The following CAPN5 variants were observed in gnomAD, a reference collection of about 807,000 sequenced individuals.
CAPN5 encodes the protein calpain 5, also known as calpain-5.
Under a neutral mutation model 73.0 loss-of-function variants are expected in CAPN5, and 54 were observed. The ratio of observed to expected loss-of-function variants is 0.74; its 90% CI spans 0.59 to 0.93. The LOEUF is 0.93. CAPN5 is among the 40% of genes least tolerant of loss of function. The pLI, the probability that CAPN5 is intolerant of heterozygous loss-of-function variation, is 0.00. For synonymous variants in CAPN5, 335 were observed against 356.9 expected (o/e 0.94, Z 0.69); for missense variants, 785 against 882.9 (o/e 0.89, Z 1.41).
chr11:77,071,587 C>T (rs782133046), intron 1 of CAPN5: 9 of 447,962 alleles, frequency 2.0e-5, no homozygotes, highest in South Asian at 1.4e-4. Context: ...GCCAGTAGAG[C>T]AGAAAATACC....
chr11:77,079,785 G>GTGTGTGTGTGTGTGTA (rs1950010556), intron 1 of CAPN5, among the ~76,000 whole-genome samples: 1 of 139,230 alleles, frequency 7.2e-6, no homozygotes, highest in Admixed American at 7.1e-5. Context: ...ACTTGAGATT[G>GTGTGTGTGTGTGTGTA]TGTGTGTGTG....
At position 77,122,065 on chromosome 11, in the gene CAPN5, G is replaced by A. The variant is rs1222820608; in HGVS notation, c.1603+16G>A. ...TCCCCAACAGGTGAGCTCTCCCAGGGAGAGTCCCCCGGCCCTCCTGCCAGT... is the reference window on the plus strand; with the variant it reads ...TCCCCAACAGGTGAGCTCTCCCAGGAAGAGTCCCCCGGCCCTCCTGCCAGT... On this transcript the variant is annotated intron_variant, in intron 11 of 12. Transcript: ENST00000648180. 2.0e-6 allele frequency: 3 copies of A among 1,471,504 alleles called. No homozygotes were observed. Among genetic ancestry groups the A allele is most frequent in the Non-Finnish European group, 2.8e-6 (3 of 1,089,264 alleles). The allele number at this position is 1,471,504 out of a possible 1,614,324, so 91.2% of individuals were successfully genotyped here.
At chr11:77,110,891 T>G (rs1555040658) in intron 3 of CAPN5, among the ~76,000 whole-genome samples, 2 of 152,204 alleles carry the variant, frequency 1.3e-5, no homozygotes, top group Non-Finnish European at 2.9e-5. Context: ...CCTCCTGGTG[T>G]GCCTCTGGTT....
At chr11:77,118,418 C>G in intron 8 of CAPN5, 66 bp downstream of exon 8, 1 of 1,337,668 alleles carries the variant, frequency 7.5e-7, no homozygotes. Flanking sequence ...CACTGTCCTG[C>G]CAGGGACTCC....
At chr11:77,095,173 A>G (rs1027116256) in intron 3 of CAPN5, among the ~76,000 whole-genome samples, 1 of 152,214 alleles carries the variant, frequency 6.6e-6, no homozygotes, top group Admixed American at 6.5e-5. Flanking sequence ...AGGGCTTTCG[A>G]GAGCCACCCG....
In CAPN5 at chr11:77,122,668, G is replaced by A; in HGVS notation, c.1696G>A (p.Gly566Ser). 6.2e-7 allele frequency: 1 copy of A among 1,613,888 alleles called. No homozygotes were observed. The highest frequency in any genetic ancestry group is 8.5e-7 in the Non-Finnish European group (1 of 1,179,946). Residue 566 changes from glycine (G) to serine (S), a missense_variant, in exon 12 of 13, where the codon GGC (glycine) becomes AGC (serine). Coordinates refer to ENST00000648180, the MANE Select transcript of CAPN5 (RefSeq NM_004055.5). ...GTSTPEYNVK[G>S]IFYRKKLSQP... ...CTCCACACCAGAGTACAATGTGAAA[G>A]GCATCTTCTACCGCAAGAAGCTGAG...
rs536599185 is a variant in CAPN5, at chr11:77,107,061, G to A, written c.298-5528G>A. Among the ~76,000 whole-genome samples, 7 of 152,318 alleles carry A rather than the reference G, an allele frequency of 4.6e-5. No individual in the cohort carries two copies. The East Asian group carries it at 7.7e-4, about 17-fold the overall frequency. ...AGCCACCCCATGAACAGGACCTGCC[G>A]TGGCCACTCTGTGGTGCATCGACAC... is the stretch of plus-strand genomic sequence containing the variant. On this transcript the variant is annotated intron_variant, in intron 3 of 12. Coordinates refer to ENST00000648180, the MANE Select transcript of CAPN5 (RefSeq NM_004055.5).
intron 3 of CAPN5, among the ~76,000 whole-genome samples, chr11:77,103,890 T>G (rs1171953209): frequency 6.6e-6 from 1 of 151,350 alleles, no homozygotes; most frequent in Non-Finnish European, 1.5e-5. Flanking sequence ...GCTGCAGGGG[T>G]GGATTTGGGC....
intron 2 of CAPN5, among the ~76,000 whole-genome samples, chr11:77,088,786 A>G (rs1950119020): frequency 6.6e-6 from 1 of 152,092 alleles, no homozygotes; most frequent in South Asian, 2.1e-4. Flanking sequence ...TGCCTTGTAC[A>G]CCAGGAATAG....
At position 77,093,768 on chromosome 11, in the gene CAPN5, G is replaced by A. The variant is rs782358344; in HGVS notation, c.252G>A (p.Val84=). 2 of 1,612,262 alleles carry A rather than the reference G, an allele frequency of 1.2e-6. No homozygotes were observed. The highest frequency in any genetic ancestry group is 1.1e-5 in the South Asian group (1 of 91,036). The part of the protein sequence containing the change: ...HQGQVGNCWF[V]AACSSLASRE... Reference sequence around the variant, plus strand: ...GCCAGGTGGGCAACTGCTGGTTTGTGGCAGCCTGCTCGTCACTTGCCTCCC... The same window carrying A: ...GCCAGGTGGGCAACTGCTGGTTTGTAGCAGCCTGCTCGTCACTTGCCTCCC... The change falls in exon 3 of 13, where the codon GTG becomes GTA. Residue 84 remains valine, a synonymous_variant. Transcript: ENST00000648180.
chr11:77,109,415 C>T (rs990563293), intron 3 of CAPN5, among the ~76,000 whole-genome samples: 4 of 152,202 alleles, frequency 2.6e-5, no homozygotes, highest in Non-Finnish European at 5.9e-5. Flanking sequence ...CTACCCACCT[C>T]CGATAGTGAC....
chr11:77,087,030 T>C (rs1950094020), intron 2 of CAPN5, among the ~76,000 whole-genome samples: 1 of 152,184 alleles, frequency 6.6e-6, no homozygotes, highest in Non-Finnish European at 1.5e-5. Context: ...TGCCCTGCCC[T>C]GGATGTGGGG....
rs75362597 is a variant in CAPN5 at position 77,070,158 on chromosome 11, C to T, written c.-36+3064C>T. ...TGTGCTTCCAGGGACCCAAGTTTTC[C>T]CAGGGATAGGGGTCTGGGTGGGCAA... On this transcript the variant is annotated intron_variant, in intron 1 of 12. Transcript: ENST00000648180. 9.7e-3 allele frequency among the ~76,000 whole-genome samples: 1,476 copies of T among 152,208 alleles called. 21 individuals carry two copies. Among genetic ancestry groups the T allele is most frequent in the African/African-American group, 0.033 (1,391 of 41,524 alleles).
At chr11:77,089,904 C>A (rs373610151) in intron 2 of CAPN5, among the ~76,000 whole-genome samples, 2,007 of 152,186 alleles carry the variant, frequency 0.013, 38 homozygotes, top group African/African-American at 0.045. Flanking sequence ...AACAAACAAA[C>A]AAAAAACCTA....
chr11:77,108,372 C>A (rs957894465), intron 3 of CAPN5, among the ~76,000 whole-genome samples: 16 of 152,064 alleles, frequency 1.1e-4, no homozygotes, highest in African/African-American at 3.6e-4. Flanking sequence ...CTCAGCTGGC[C>A]CCTAAGAGAC....
At chr11:77,076,409 T>C (rs1337894934) in intron 1 of CAPN5, among the ~76,000 whole-genome samples, 1 of 152,238 alleles carries the variant, frequency 6.6e-6, no homozygotes, top group Non-Finnish European at 1.5e-5. Context: ...TTATTAACTA[T>C]TGTCACCATG....
Position 77,114,357 on chromosome 11 carries a change from G to A in CAPN5, c.622G>A (p.Glu208Lys). The A allele has an allele frequency of 6.2e-7, 1 of 1,614,216 alleles. No homozygotes were observed. The highest frequency in any genetic ancestry group is 2.2e-5 in the East Asian group (1 of 44,886). ...DLTEGDFAND[E>K]TKRNQLFERM... is the part of the protein sequence containing the mutation. ...GACCGAGGGTGACTTTGCCAACGATGAGACTAAGAGGAACCAGCTCTTTGA... is the reference window on the plus strand; with the variant it reads ...GACCGAGGGTGACTTTGCCAACGATAAGACTAAGAGGAACCAGCTCTTTGA... The change falls in exon 5 of 13, where the codon GAG (glutamate) becomes AAG (lysine). Residue 208 changes from glutamate to lysine, a missense_variant. Coordinates refer to ENST00000648180, the MANE Select transcript of CAPN5 (RefSeq NM_004055.5).
chr11:77,096,237 GACACACACGCCCCCA>G (rs1306603691), intron 3 of CAPN5, among the ~76,000 whole-genome samples: 1 of 151,924 alleles, frequency 6.6e-6, no homozygotes, highest in Non-Finnish European at 1.5e-5. Context: ...TCACATCCTC[GACACACACGCCCCCA>G]ACACACACGC....
At chr11:77,095,714 C>T (rs887307393) in intron 3 of CAPN5, among the ~76,000 whole-genome samples, 19 of 152,212 alleles carry the variant, frequency 1.2e-4, no homozygotes, top group African/African-American at 4.1e-4. Flanking sequence ...ATGTGTCCTG[C>T]CCTGGGCTTG....
Sources: gnomAD v4.1 joint callset for allele counts (sites outside exome capture counted in the v4.1 genomes callset) on GRCh38, gnomAD v4.1.1 for gene constraint, MANE v1.5 for transcripts, NCBI Gene and HGNC (gene_info 2026-07-23, HGNC 2026-07-21) for gene names.